The following ARHGEF3 variants were observed in gnomAD, a reference collection of about 807,000 sequenced individuals.
ARHGEF3 encodes the protein 59.8 kDA protein.
Under a neutral mutation model 63.2 loss-of-function variants are expected in ARHGEF3, and 28 were observed. That is an observed-to-expected ratio of 0.44 (90% CI 0.33 to 0.61). ARHGEF3 has a LOEUF of 0.61. ARHGEF3 is among the 20% of genes least tolerant of loss of function. ARHGEF3 has a pLI of 0.03. For missense variants in ARHGEF3, 533 were observed against 659.3 expected (o/e 0.81, Z 2.10); for synonymous variants, 266 against 254.2 (o/e 1.05, Z -0.44).
intron 2 of ARHGEF3, among the ~76,000 whole-genome samples, chr3:57,029,218 G>T (rs1397214444): frequency 2.0e-5 from 3 of 152,156 alleles, no homozygotes; most frequent in Non-Finnish European, 1.5e-5. Flanking sequence ...ATCACCTGAG[G>T]TCGGGAGTTT....
chr3:56,965,752 C>A (rs1156739604), intron 2 of ARHGEF3, among the ~76,000 whole-genome samples: 1 of 151,558 alleles, frequency 6.6e-6, no homozygotes, highest in South Asian at 2.1e-4. Context: ...GGGTTCACAC[C>A]ATTCTCTTGC....
chr3:56,899,967 G>C (rs992216878), intron 3 of ARHGEF3, among the ~76,000 whole-genome samples: 1 of 152,186 alleles, frequency 6.6e-6, no homozygotes, highest in Non-Finnish European at 1.5e-5. Flanking sequence ...ACCCAAAAGC[G>C]TTCGCCATCC....
chr3:56,962,490 T>C (rs1037745758), intron 2 of ARHGEF3, among the ~76,000 whole-genome samples: 2 of 152,152 alleles, frequency 1.3e-5, no homozygotes, highest in Non-Finnish European at 2.9e-5. Context: ...TGTACACACA[T>C]GGTTACAAAG....
intron 3 of ARHGEF3, among the ~76,000 whole-genome samples, chr3:56,926,456 T>C (rs1484962916): frequency 1.3e-5 from 2 of 152,260 alleles, no homozygotes; most frequent in Non-Finnish European, 2.9e-5. Context: ...AATACAGTAC[T>C]AGTCAGATGC....
rs1553806980 is a variant in ARHGEF3 at position 57,017,032 on chromosome 3, T to TCACACACA, written c.62+18048_62+18055dup. ...CTCTCTCTCTCTCTCTCTCTCTCTC[T>TCACACACA]CACACACACACACACACACACACAC... On this transcript the variant is annotated intron_variant, in intron 2 of 12. Transcript: ENST00000338458. Among the ~76,000 whole-genome samples the TCACACACA allele has an allele frequency of 2.9e-3, 301 of 104,378 alleles. 3 individuals carry two copies. Among genetic ancestry groups the TCACACACA allele is most frequent in the African/African-American group, 9.0e-3 (253 of 28,244 alleles). The allele number at this position is 104,378 out of a possible 152,430, so 68.5% of individuals were successfully genotyped here.
intron 3 of ARHGEF3, among the ~76,000 whole-genome samples, chr3:56,934,087 T>C (rs1193929088): frequency 6.6e-6 from 1 of 152,224 alleles, no homozygotes; most frequent in African/African-American, 2.4e-5. Context: ...GTTAAACCTC[T>C]TTTCTTTATA....
chr3:56,736,070 AC>A, intron 8 of ARHGEF3, among the ~76,000 whole-genome samples: 1 of 151,984 alleles, frequency 6.6e-6, no homozygotes, highest in African/African-American at 2.4e-5. Context: ...ACACACACAC[AC>A]ACACACACAC....
intron 2 of ARHGEF3, among the ~76,000 whole-genome samples, chr3:56,979,445 C>T (rs927098098): frequency 2.0e-5 from 3 of 152,228 alleles, no homozygotes; most frequent in African/African-American, 7.2e-5. Flanking sequence ...GGGGCAGAGG[C>T]ATCTCTTCAA....
intron 1 of ARHGEF3, among the ~76,000 whole-genome samples, chr3:56,774,152 A>C (rs1337466180): frequency 2.0e-5 from 3 of 152,162 alleles, no homozygotes; most frequent in Non-Finnish European, 4.4e-5. Context: ...TTCTGTAGAG[A>C]AAAGCAGTGT....
intron 4 of ARHGEF3, among the ~76,000 whole-genome samples, chr3:56,814,356 C>T (rs1025483548): frequency 6.6e-6 from 1 of 152,124 alleles, no homozygotes; most frequent in South Asian, 2.1e-4. Flanking sequence ...TTATGTGTGG[C>T]CCAAGACAAT....
chr3:56,880,899 C>T (rs1200930663), intron 4 of ARHGEF3, among the ~76,000 whole-genome samples: 1 of 152,184 alleles, frequency 6.6e-6, no homozygotes, highest in East Asian at 1.9e-4. Flanking sequence ...CTCCATCAAT[C>T]TGAGGGTCTA....
At chr3:56,815,702 G>A (rs553303269) in intron 4 of ARHGEF3, among the ~76,000 whole-genome samples, 11 of 152,158 alleles carry the variant, frequency 7.2e-5, no homozygotes, top group Admixed American at 3.3e-4. Context: ...ATAGGTACTC[G>A]GTTACATAGT....
chr3:56,916,399 G>C, intron 3 of ARHGEF3: 1 of 1,527,082 alleles, frequency 6.5e-7, no homozygotes, highest in Non-Finnish European at 8.8e-7. Flanking sequence ...GTGGAGCCCT[G>C]TGCACAGGAT....
chr3:56,922,076 CAAA>C (rs375472581), intron 3 of ARHGEF3, among the ~76,000 whole-genome samples: 1 of 139,264 alleles, frequency 7.2e-6, no homozygotes, highest in African/African-American at 2.6e-5. Context: ...AAAGTGAATG[CAAA>C]AAAAAAAAAG....
intron 1 of ARHGEF3, among the ~76,000 whole-genome samples, chr3:56,795,047 T>C (rs2037279137): frequency 6.6e-6 from 1 of 151,144 alleles, no homozygotes; most frequent in African/African-American, 2.4e-5. Context: ...TTTTTTTTTT[T>C]AGAGATGGGG....
At chr3:56,766,187 G>A (rs1290389646) in intron 2 of ARHGEF3, among the ~76,000 whole-genome samples, 1 of 152,084 alleles carries the variant, frequency 6.6e-6, no homozygotes, top group Admixed American at 6.5e-5. Flanking sequence ...CTACCTTTCT[G>A]TATTGACTCT....
At chr3:56,979,744 A>C (rs766591349) in intron 2 of ARHGEF3, among the ~76,000 whole-genome samples, 1 of 152,228 alleles carries the variant, frequency 6.6e-6, no homozygotes, top group Non-Finnish European at 1.5e-5. Flanking sequence ...TCCTTTTCTT[A>C]GCCCTTTGTG....
intron 1 of ARHGEF3, among the ~76,000 whole-genome samples, chr3:56,786,187 G>A (rs4547669): frequency 6.6e-6 from 1 of 152,122 alleles, no homozygotes; most frequent in South Asian, 2.1e-4. Context: ...TGATTATTCA[G>A]AATGGAAAAA....
chr3:56,759,021 A>C (rs1409261924), intron 2 of ARHGEF3, among the ~76,000 whole-genome samples: 6 of 152,226 alleles, frequency 3.9e-5, no homozygotes, highest in Non-Finnish European at 7.3e-5. Context: ...ATGTATGCTA[A>C]CTTTAAATTC....
Sources: allele counts gnomAD v4.1 joint callset (sites outside exome capture counted in the v4.1 genomes callset), GRCh38; gene constraint gnomAD v4.1.1; transcripts MANE v1.5; gene names NCBI Gene and HGNC (gene_info 2026-07-23, HGNC 2026-07-21).